Variants in RIDA observed in about 807,000 individuals in gnomAD.
The protein encoded by RIDA is 2-iminobutanoate/2-iminopropanoate deaminase.
In RIDA, 17 loss-of-function variants were observed where a neutral mutation model predicts 17.8. The observed-to-expected ratio is 0.96, with a 90% CI of 0.65 to 1.43. RIDA has a LOEUF of 1.43. Among genes scored for constraint, RIDA ranks in the 40% most tolerant of loss-of-function variants. RIDA has a pLI of 0.00. For synonymous variants in RIDA, 48 were observed against 55.7 expected, an observed-to-expected ratio of 0.86 and a Z score of 0.62; for missense variants, 158 against 161.7, an observed-to-expected ratio of 0.98 and a Z score of 0.12.
chr8:98,106,144 G>C, intron 3 of RIDA, 128 bp downstream of exon 3: 4 of 1,075,416 alleles, frequency 3.7e-6, no homozygotes, highest in Non-Finnish European at 5.7e-6. Flanking sequence ...AAGTAGAACA[G>C]TTGCTATTTA....
chr8:98,105,115 T>C (rs1815614117), intron 4 of RIDA, among the ~76,000 whole-genome samples: 1 of 115,152 alleles, frequency 8.7e-6, no homozygotes, highest in Admixed American at 1.1e-4. Flanking sequence ...CTCTTAGCTT[T>C]CTGGCAAAAA....
chr8:98,105,950 T>C lies in RIDA; in HGVS notation c.283A>G (p.Ile95Val). ...CCAAATTACTTACACTGTTTGTAGA[T>C]TTCATTGACAGTATTGAAGTCATTT... ...DINDFNTVNE[I>V]YKQYFKSNFP... Residue 95 changes from isoleucine (I) to valine (V), a missense_variant, in exon 4 of 6, where the codon ATC becomes GTC. By Grantham distance (29) the Ile-to-Val change is conservative. Transcript: ENST00000254878. The C allele has an allele frequency of 6.2e-7, 1 of 1,603,130 alleles. No homozygotes were observed. Among genetic ancestry groups the C allele is most frequent in the South Asian group, 1.1e-5 (1 of 90,804 alleles).
At chr8:98,111,428 G>A (rs1815724747) in intron 1 of RIDA, among the ~76,000 whole-genome samples, 1 of 151,868 alleles carries the variant, frequency 6.6e-6, no homozygotes, top group Non-Finnish European at 1.5e-5. Context: ...GCCAACATGG[G>A]GAAATCCTGT....
chr8:98,114,343 T>C (rs1020127553), intron 1 of RIDA, among the ~76,000 whole-genome samples: 3 of 126,696 alleles, frequency 2.4e-5, no homozygotes, highest in African/African-American at 8.7e-5. Context: ...TTTTTTTTTT[T>C]GAGACAGAGT....
chr8:98,108,834 G>T, intron 1 of RIDA, 83 bp from the exon 2 acceptor site: 13 of 755,706 alleles, frequency 1.7e-5, no homozygotes, highest in East Asian at 5.3e-5. Flanking sequence ...ATAGGACAGA[G>T]AAGTATAAAT....
Position 98,102,863 on chromosome 8 carries a change from T to G in RIDA, c.393A>C (p.Pro131=), listed in dbSNP as rs754494523. ...IEIEAVAIQG[P]LTTASL is the part of the protein sequence containing the mutation. ...CCACTTATAGTGATGCCGTTGTCAGTGGTCCTTGGATAGCTACTGCTTCAA... is the reference window on the plus strand; with the variant it reads ...CCACTTATAGTGATGCCGTTGTCAGGGGTCCTTGGATAGCTACTGCTTCAA... Residue 131 remains proline (P), a synonymous_variant, in exon 6 of 6, where the codon CCA becomes CCC. Coordinates refer to ENST00000254878, the MANE Select transcript of RIDA (RefSeq NM_005836.3). 2.5e-6 allele frequency: 4 copies of G among 1,613,306 alleles called. No individual in the cohort carries two copies.
chr8:98,110,705 A>G (rs1426440468), intron 1 of RIDA, among the ~76,000 whole-genome samples: 2 of 152,118 alleles, frequency 1.3e-5, no homozygotes, highest in African/African-American at 4.8e-5. Context: ...AATTAAGGAT[A>G]TACTTTTGAG....
intron 1 of RIDA, chr8:98,113,578 A>G (rs1030649016): frequency 6.6e-6 from 1 of 152,072 alleles, no homozygotes; most frequent in Non-Finnish European, 1.5e-5. Context: ...TGGCACATTC[A>G]TATGATGATT....
At chr8:98,111,475 G>A (rs1176201424) in intron 1 of RIDA, among the ~76,000 whole-genome samples, 1 of 151,944 alleles carries the variant, frequency 6.6e-6, no homozygotes, top group Non-Finnish European at 1.5e-5. Flanking sequence ...CAGTGGTGGT[G>A]CACACCTGTA....
intron 4 of RIDA, among the ~76,000 whole-genome samples, chr8:98,104,999 C>T (rs1815612772): frequency 6.6e-6 from 1 of 151,812 alleles, no homozygotes; most frequent in Non-Finnish European, 1.5e-5. Context: ...GTGTGAGCCA[C>T]TGCTCCTGGC....
intron 3 of RIDA, 104 bp downstream of exon 3, chr8:98,106,168 A>C (rs1586214540): frequency 1.6e-6 from 2 of 1,220,686 alleles, no homozygotes; most frequent in Non-Finnish European, 2.4e-6. Flanking sequence ...CAACTTTTAA[A>C]TAGCAACAAA....
chr8:98,102,702 G>A lies in RIDA; in HGVS notation c.*140C>T. ...CATGTTCAACTCTCCCTATTACATG[G>A]TATTTCCATAATAGCTTCAGATATT... On this transcript the variant is annotated 3_prime_UTR_variant, in exon 6 of 6. Coordinates refer to ENST00000254878, the MANE Select transcript of RIDA (RefSeq NM_005836.3). 1.7e-6 allele frequency: 1 copy of A among 595,590 alleles called. No homozygotes were observed. Among genetic ancestry groups the A allele is most frequent in the Non-Finnish European group, 2.9e-6 (1 of 343,326 alleles). 36.9% of individuals were successfully genotyped at this position (595,590 alleles called of 1,614,324 possible).
intron 4 of RIDA, among the ~76,000 whole-genome samples, chr8:98,105,120 C>CTTTTTT (rs1815614719): frequency 1.1e-5 from 1 of 88,058 alleles, no homozygotes; most frequent in Non-Finnish European, 2.1e-5. Flanking sequence ...AGCTTTCTGG[C>CTTTTTT]AAAAAAAAAA....
chr8:98,103,342 C>T (rs1332641708), intron 5 of RIDA, among the ~76,000 whole-genome samples: 3 of 152,202 alleles, frequency 2.0e-5, no homozygotes, highest in Non-Finnish European at 4.4e-5. Context: ...ACAAATGACA[C>T]TCTTAAAACA....
chr8:98,111,836 G>A (rs1430117076), intron 1 of RIDA, among the ~76,000 whole-genome samples: 1 of 151,614 alleles, frequency 6.6e-6, no homozygotes, highest in Non-Finnish European at 1.5e-5. Context: ...CAAAAATCCA[G>A]AAAATACACA....
At chr8:98,114,892 A>AT (rs35530003) in intron 1 of RIDA, among the ~76,000 whole-genome samples, 9 of 147,562 alleles carry the variant, frequency 6.1e-5, no homozygotes, top group South Asian at 2.2e-4. Context: ...TCCTTTTCCA[A>AT]TTTTTTTTTT....
intron 2 of RIDA, among the ~76,000 whole-genome samples, 175 bp downstream of exon 2, chr8:98,108,471 A>T (rs898681609): frequency 8.5e-5 from 13 of 152,154 alleles, no homozygotes; most frequent in African/African-American, 3.1e-4. Flanking sequence ...ATGATTCATG[A>T]TCCATCAAAT....
Position 98,106,038 on chromosome 8 carries a change from G to A in RIDA, c.227-32C>T, listed in dbSNP as rs200090463. 5,133 of 1,493,662 alleles carry A rather than the reference G, an allele frequency of 3.4e-3. 17 individuals are homozygous for A. Among genetic ancestry groups the A allele is most frequent in the Non-Finnish European group, 4.6e-3 (4,962 of 1,070,954 alleles). 92.5% of individuals were successfully genotyped at this position (1,493,662 alleles called of 1,614,324 possible). ...GATATAAACATTGTCATTAGGTTTA[G>A]TTATTTGGTCTGACCCAAAACATTA... On this transcript the variant is annotated intron_variant, in intron 3 of 5. Transcript: ENST00000254878.
chr8:98,107,776 A>ATT (rs71271200), intron 2 of RIDA, among the ~76,000 whole-genome samples: 76 of 148,726 alleles, frequency 5.1e-4, no homozygotes, highest in South Asian at 8.5e-4. Flanking sequence ...TTTTTTTTCT[A>ATT]TTTTTTTTTT....
Sources: allele counts gnomAD v4.1 joint callset (sites outside exome capture counted in the v4.1 genomes callset), GRCh38; gene constraint gnomAD v4.1.1; transcripts MANE v1.5; gene names NCBI Gene and HGNC (gene_info 2026-07-23, HGNC 2026-07-21).